Variants in B4GALNT2 observed in about 807,000 individuals in gnomAD.
B4GALNT2 encodes beta-1,4-N-acetyl-galactosaminyltransferase 2 (SID blood group).
A neutral mutation model predicts 51.1 loss-of-function variants in B4GALNT2; 42 were observed. The observed-to-expected ratio is 0.82, with a 90% confidence interval of 0.64 to 1.06. The LOEUF is 1.06. B4GALNT2 is among the 50% of genes least tolerant of loss of function. The probability of loss-of-function intolerance (pLI) is 0.00; values close to 1 mark genes in which losing one functional copy is unlikely to be tolerated. For synonymous variants in B4GALNT2, 253 were observed against 251.7 expected, an observed-to-expected ratio of 1.01 and a Z score of -0.05; for missense variants, 602 against 633.6, an observed-to-expected ratio of 0.95 and a Z score of 0.54.
rs933563979 is a variant in B4GALNT2, at chr17:49,176,498, C to T, written c.*6770C>T. 6.6e-6 allele frequency: 1 copy of T among 152,232 alleles called. No individual in the cohort carries two copies. The highest frequency in any genetic ancestry group is 1.5e-5 in the Non-Finnish European group (1 of 68,044). 9.4% of individuals were successfully genotyped at this position (152,232 alleles called of 1,614,324 possible). A position where few individuals can be genotyped will look rare whatever the true frequency, so the allele number is the denominator to read the frequency against. On this transcript the variant is annotated 3_prime_UTR_variant, in exon 11 of 11. Coordinates refer to ENST00000393354, the MANE Select transcript of B4GALNT2 (RefSeq NM_001159387.2). ...CCACGTCCTTAAGGCACAGCTCGCTCATGCTATTGTTTGTGGCTTAGGAAC... is the reference window on the plus strand; with the variant it reads ...CCACGTCCTTAAGGCACAGCTCGCTTATGCTATTGTTTGTGGCTTAGGAAC...
At chr17:49,132,028 G>A (rs2042542942), upstream of B4GALNT2, among the ~76,000 whole-genome samples, 1 of 152,068 alleles carries the variant, frequency 6.6e-6, no homozygotes, top group South Asian at 2.1e-4. Context: ...TGTAGTCCTA[G>A]CTACTCGGAT....
Position 49,164,169 on chromosome 17 carries a change from T to C in B4GALNT2, c.848T>C (p.Ile283Thr), listed in dbSNP as rs781561284. Residue 283 changes from isoleucine (I) to threonine (T), a missense_variant, in exon 8 of 11, where the codon ATT becomes ACT. By Grantham distance (89) the Ile-to-Thr change is moderately conservative. Coordinates refer to ENST00000393354, the MANE Select transcript of B4GALNT2 (RefSeq NM_001159387.2). ...PHKLMIMLRS[I>T]REYYPDLTVI... is the part of the protein sequence containing the mutation. ...AAGCTCATGATCATGCTCCGGAGTA[T>C]TCGAGAGTATTACCCAGACTTGACC... 1 of 1,613,948 alleles carries C rather than the reference T, an allele frequency of 6.2e-7. No homozygotes were observed. The highest frequency in any genetic ancestry group is 2.2e-5 in the East Asian group (1 of 44,886).
chr17:49,138,870 C>T (rs1385934787), intron 1 of B4GALNT2, among the ~76,000 whole-genome samples: 1 of 152,132 alleles, frequency 6.6e-6, no homozygotes, highest in Admixed American at 6.5e-5. Flanking sequence ...AAGCGAGACT[C>T]TGTCTCAAAC....
chr17:49,169,687 G>A lies in B4GALNT2; in HGVS notation c.1480G>A (p.Ala494Thr). ...CCTCACCCGGGTCCAGTTCAAGCTG[G>A]CCCTCCACTACTTCAAGAACCATCT... ...NTLTRVQFKL[A>T]LHYFKNHLQC... Residue 494 changes from alanine (A) to threonine (T), a missense_variant, in exon 11 of 11, where the codon GCC (alanine) becomes ACC (threonine). By Grantham distance (58) the Ala-to-Thr change is moderately conservative. Transcript: ENST00000393354. The A allele has an allele frequency of 6.2e-7, 1 of 1,602,164 alleles. No homozygotes were observed. Among genetic ancestry groups the A allele is most frequent in the East Asian group, 2.2e-5 (1 of 44,666 alleles).
rs2042634834 is a variant in B4GALNT2 at position 49,140,660 on chromosome 17, C to A, written c.15-587C>A. ...GCATTGATCACTATAAGTGGTCTTT[C>A]TGTCCTATTTAATACTCTTTTTTAT... On this transcript the variant is annotated intron_variant, in intron 1 of 10. Coordinates refer to ENST00000393354, the MANE Select transcript of B4GALNT2 (RefSeq NM_001159387.2). 4.0e-5 allele frequency among the ~76,000 whole-genome samples: 6 copies of A among 151,022 alleles called. 1 individual carries two copies. The South Asian group carries it at 1.3e-3, about 32-fold the overall frequency.
chr17:49,131,621 G>A (rs1459473654), upstream of B4GALNT2, among the ~76,000 whole-genome samples: 3 of 151,706 alleles, frequency 2.0e-5, no homozygotes, highest in East Asian at 1.9e-4. Context: ...TCGTGTTCTC[G>A]TGCCTTAGCC....
chr17:49,143,024 G>T (rs55818038), intron 3 of B4GALNT2, among the ~76,000 whole-genome samples: 3 of 152,106 alleles, frequency 2.0e-5, no homozygotes, highest in Non-Finnish European at 4.4e-5. Context: ...TGAGGTGGGC[G>T]GATCACTTGA....
intron 2 of B4GALNT2, among the ~76,000 whole-genome samples, chr17:49,141,815 A>G (rs151090112): frequency 1.3e-3 from 197 of 152,222 alleles, no homozygotes; most frequent in African/African-American, 4.6e-3. Flanking sequence ...CAAGAGAGGA[A>G]AAGTCTTCAG....
Position 49,171,339 on chromosome 17 carries a change from T to G in B4GALNT2, c.*1611T>G, listed in dbSNP as rs558113636. 4.9e-6 allele frequency: 2 copies of G among 410,826 alleles called. No individual in the cohort carries two copies. Among genetic ancestry groups the G allele is most frequent in the Non-Finnish European group, 9.3e-6 (2 of 215,096 alleles). 25.4% of individuals were successfully genotyped at this position (410,826 alleles called of 1,614,324 possible). Reference sequence around the variant, plus strand: ...CTTTATCCACTTTAATGGGTTAATATCTGCTAATCTGTCTGCAGCTCCTTC... The same window carrying G: ...CTTTATCCACTTTAATGGGTTAATAGCTGCTAATCTGTCTGCAGCTCCTTC... On this transcript the variant is annotated 3_prime_UTR_variant, in exon 11 of 11. Coordinates refer to ENST00000393354, the MANE Select transcript of B4GALNT2 (RefSeq NM_001159387.2).
At chr17:49,152,753 G>C (rs2042771116) in intron 3 of B4GALNT2, 47 bp from the exon 4 acceptor site, 2 of 1,346,848 alleles carry the variant, frequency 1.5e-6, no homozygotes, top group Non-Finnish European at 2.0e-6. Flanking sequence ...ACGAACCAGG[G>C]ACCAGCATCA....
chr17:49,127,822 G>A (rs907286262), upstream of B4GALNT2, among the ~76,000 whole-genome samples: 2 of 152,126 alleles, frequency 1.3e-5, no homozygotes, highest in Non-Finnish European at 2.9e-5. Context: ...TTCCCAAAAC[G>A]GGATTCATGG....
intron 3 of B4GALNT2, among the ~76,000 whole-genome samples, chr17:49,143,711 C>G (rs1335090952): frequency 6.6e-6 from 1 of 152,228 alleles, no homozygotes; most frequent in African/African-American, 2.4e-5. Context: ...GCTTACGATT[C>G]TGGAGGCTGA....
chr17:49,135,846 G>C (rs113572244), intron 1 of B4GALNT2, among the ~76,000 whole-genome samples: 1 of 151,504 alleles, frequency 6.6e-6, no homozygotes, highest in Non-Finnish European at 1.5e-5. Flanking sequence ...GGCGGATCAC[G>C]AGGTCAGAAG....
intron 4 of B4GALNT2, among the ~76,000 whole-genome samples, chr17:49,153,320 C>A (rs192636323): frequency 4.9e-4 from 74 of 151,898 alleles, no homozygotes; most frequent in Non-Finnish European, 1.9e-4. Context: ...GGGGTTGAAG[C>A]AGAAGGGTTG....
chr17:49,134,528 C>G (rs2042572781), intron 1 of B4GALNT2, among the ~76,000 whole-genome samples: 1 of 152,202 alleles, frequency 6.6e-6, no homozygotes, highest in Non-Finnish European at 1.5e-5. Flanking sequence ...CCTCAGCCTC[C>G]CGAATAGCTG....
chr17:49,166,999 A>T (rs759454991), intron 9 of B4GALNT2, among the ~76,000 whole-genome samples: 1 of 152,246 alleles, frequency 6.6e-6, no homozygotes, highest in Non-Finnish European at 1.5e-5. Context: ...CATCAAAAGT[A>T]AATTCACTGT....
the B4GALNT2 span, among the ~76,000 whole-genome samples, chr17:49,125,558 G>A: frequency 6.6e-6 from 1 of 151,942 alleles, no homozygotes; most frequent in African/African-American, 2.4e-5. Context: ...TCCGTGTGTC[G>A]CCGCCATCCG....
intron 5 of B4GALNT2, among the ~76,000 whole-genome samples, chr17:49,158,733 C>A (rs996290021): frequency 6.7e-6 from 1 of 150,098 alleles, no homozygotes. Context: ...AAAGAGAGGT[C>A]AAAAAAGGCT....
intron 3 of B4GALNT2, among the ~76,000 whole-genome samples, chr17:49,147,880 T>C (rs1294508449): frequency 6.6e-6 from 1 of 152,008 alleles, no homozygotes; most frequent in East Asian, 1.9e-4. Context: ...TATATCCATA[T>C]AAACATATAC....
Sources: allele counts gnomAD v4.1 joint callset (sites outside exome capture counted in the v4.1 genomes callset), GRCh38; gene constraint gnomAD v4.1.1; transcripts MANE v1.5; gene names NCBI Gene and HGNC (gene_info 2026-07-23, HGNC 2026-07-21).